Variants in GREB1L observed in about 807,000 individuals in gnomAD.
GREB1L encodes the protein GREB1-like protein.
A neutral mutation model predicts 200.8 loss-of-function variants in GREB1L; 17 were observed. That is an observed-to-expected ratio of 0.08 (90% CI 0.06 to 0.13). GREB1L has a LOEUF of 0.13. Among genes scored for constraint, GREB1L ranks in the 10% least tolerant of loss-of-function variants. The pLI is 1.00. For synonymous variants in GREB1L, 789 were observed against 893.0 expected (o/e 0.88, Z 2.08); for missense variants, 1,657 against 2,367.7 (o/e 0.70, Z 6.23).
chr18:21,519,921 G>GTCTTTTT (rs2037553870), intron 31 of GREB1L, among the ~76,000 whole-genome samples: 2 of 148,822 alleles, frequency 1.3e-5, no homozygotes, highest in Non-Finnish European at 3.0e-5. Context: ...TTCATGCACT[G>GTCTTTTT]TCTTTTTTTT....
intron 2 of GREB1L, among the ~76,000 whole-genome samples, chr18:21,375,864 A>G (rs1201435283): frequency 6.6e-6 from 1 of 152,108 alleles, no homozygotes; most frequent in Non-Finnish European, 1.5e-5. Context: ...ACATTTTTTG[A>G]CAATAACTAC....
At chr18:21,477,791 A>AC (rs545852801) in intron 17 of GREB1L, among the ~76,000 whole-genome samples, 118 of 152,136 alleles carry the variant, frequency 7.8e-4, no homozygotes, top group African/African-American at 2.8e-3. Context: ...GTCTCAAAAA[A>AC]AAAAAAAACA....
chr18:21,470,460 T>A (rs566874307), intron 15 of GREB1L, among the ~76,000 whole-genome samples: 69 of 152,316 alleles, frequency 4.5e-4, no homozygotes, highest in Middle Eastern at 3.4e-3. Flanking sequence ...TTTGTAAGAT[T>A]TATTCCTAGA....
In GREB1L at chr18:21,439,585, C is replaced by T. The variant is rs1267009900; in HGVS notation, c.897C>T (p.His299=). The change falls in exon 8 of 33, where the codon CAC becomes CAT. Residue 299 remains histidine, a synonymous_variant. Transcript: ENST00000424526. ...KGSASSSTPA[H]TGNYSLSPRP... is the part of the protein sequence containing the mutation. ...GTGCATCCAGCTCCACTCCAGCCCA[C>T]ACAGGGAATTACTCTTTGTCACCAC... The T allele has an allele frequency of 3.9e-6, 6 of 1,551,950 alleles. No homozygotes were observed. Among genetic ancestry groups the T allele is most frequent in the African/African-American group, 2.7e-5 (2 of 73,034 alleles).
chr18:21,426,973 C>CAAAAAAAAAAAAAAAAAAAAAAAAAA (rs56776768), intron 7 of GREB1L, among the ~76,000 whole-genome samples: 1 of 83,788 alleles, frequency 1.2e-5, no homozygotes, highest in Non-Finnish European at 3.4e-5. Flanking sequence ...AAAAAAAAAA[C>CAAAAAAAAAAAAAAAAAAAAAAAAAA]AAAAAAAAAA....
At position 21,454,368 on chromosome 18, in the gene GREB1L, T is replaced by G; in HGVS notation, c.1987T>G (p.Leu663Val). 4 of 1,547,854 alleles carry G rather than the reference T, an allele frequency of 2.6e-6. No individual in the cohort carries two copies. The highest frequency in any genetic ancestry group is 3.5e-6 in the Non-Finnish European group (4 of 1,143,948). ...TATGACTTCTCTTTAAATTTTAGAT[T>G]TAGATAATGAAACCTTCCACATTTA... is the stretch of plus-strand genomic sequence containing the variant. ...AAMIPTQNLD[L>V]DNETFHIYQP... is the part of the protein sequence containing the mutation. Residue 663 changes from leucine (L) to valine (V), a missense_variant and splice_region_variant, in exon 15 of 33, where the codon TTA (leucine) becomes GTA (valine). Physicochemically the swap from Leu to Val is conservative, Grantham distance 32. This residue lies in a region of GREB1L where 239 missense variants were observed against 421.8 expected (regional missense o/e 0.57). Transcript: ENST00000424526.
At chr18:21,518,311 G>A in intron 31 of GREB1L, 77 bp downstream of exon 31, 3 of 1,363,512 alleles carry the variant, frequency 2.2e-6, no homozygotes, top group South Asian at 1.4e-5. Flanking sequence ...TACAAAAAAG[G>A]AGCCTGTGAC....
intron 12 of GREB1L, 125 bp downstream of exon 12, chr18:21,449,961 G>A (rs1173997306): frequency 1.1e-5 from 8 of 761,450 alleles, no homozygotes; most frequent in South Asian, 5.9e-5. Flanking sequence ...TGGAGCTTGG[G>A]CTCATCCTCC....
At chr18:21,370,879 A>C (rs2039846281) in intron 2 of GREB1L, among the ~76,000 whole-genome samples, 1 of 152,138 alleles carries the variant, frequency 6.6e-6, no homozygotes, top group African/African-American at 2.4e-5. Flanking sequence ...GGGGTTCGAG[A>C]CCAGCCTTGC....
chr18:21,519,508 AGTATTTAT>A (rs1433611727), intron 31 of GREB1L, among the ~76,000 whole-genome samples: 1 of 152,148 alleles, frequency 6.6e-6, no homozygotes, highest in Non-Finnish European at 1.5e-5. Context: ...CATCTTTTAC[AGTATTTAT>A]GTAAGTACTG....
Position 21,508,115 on chromosome 18 carries a change from T to C in GREB1L, c.4369-3T>C, listed in dbSNP as rs1241663899. 6.4e-7 allele frequency: 1 copy of C among 1,551,492 alleles called. No individual in the cohort carries two copies. The highest frequency in any genetic ancestry group is 2.0e-5 in the Admixed American group (1 of 51,008). Reference sequence around the variant, plus strand: ...TCCCTCCCTTTCTTCTTTGCAAATGTAGATGTCTGACTCCACCCTTCATGC... The same window carrying C: ...TCCCTCCCTTTCTTCTTTGCAAATGCAGATGTCTGACTCCACCCTTCATGC... On this transcript the variant is annotated splice_polypyrimidine_tract_variant and splice_region_variant and intron_variant, in intron 25 of 32. Coordinates refer to ENST00000424526, the MANE Select transcript of GREB1L (RefSeq NM_001142966.3).
At chr18:21,463,129 T>G in intron 15 of GREB1L, among the ~76,000 whole-genome samples, 1 of 140,500 alleles carries the variant, frequency 7.1e-6, no homozygotes, top group East Asian at 2.1e-4. Flanking sequence ...AATAGCTTAA[T>G]GGTTCTTTTT....
intron 1 of GREB1L, among the ~76,000 whole-genome samples, chr18:21,282,793 T>C (rs1381427000): frequency 6.6e-6 from 1 of 152,052 alleles, no homozygotes; most frequent in Admixed American, 6.5e-5. Context: ...AGAGGCAGGG[T>C]TTCACCATAT....
intron 13 of GREB1L, 107 bp downstream of exon 13, chr18:21,451,258 G>C: frequency 8.2e-7 from 1 of 1,223,470 alleles, no homozygotes; most frequent in Non-Finnish European, 1.1e-6. Flanking sequence ...CTTGCCAGCT[G>C]ATCTTTCATT....
At chr18:21,336,552 A>G (rs765957201) in intron 1 of GREB1L, among the ~76,000 whole-genome samples, 7 of 152,250 alleles carry the variant, frequency 4.6e-5, no homozygotes, top group Non-Finnish European at 8.8e-5. Flanking sequence ...TAGTAAAGCA[A>G]CAGGACCTTA....
intron 1 of GREB1L, among the ~76,000 whole-genome samples, chr18:21,315,908 C>T (rs906809919): frequency 9.2e-5 from 14 of 152,052 alleles, no homozygotes; most frequent in South Asian, 6.2e-4. Context: ...TTACACAACC[C>T]GCACATCGAA....
chr18:21,399,612 A>C (rs2041235005), intron 5 of GREB1L, among the ~76,000 whole-genome samples: 1 of 152,324 alleles, frequency 6.6e-6, no homozygotes, highest in East Asian at 1.9e-4. Context: ...ACAAATAGTC[A>C]AATGTTCTCA....
intron 1 of GREB1L, among the ~76,000 whole-genome samples, chr18:21,267,804 CTT>C (rs769798986): frequency 1.5e-4 from 20 of 133,756 alleles, no homozygotes; most frequent in African/African-American, 1.6e-4. Flanking sequence ...CCACCCCAAG[CTT>C]TTTTTTTTTT....
At chr18:21,324,295 TA>T (rs1351194869) in intron 1 of GREB1L, among the ~76,000 whole-genome samples, 1 of 152,234 alleles carries the variant, frequency 6.6e-6, no homozygotes, top group Non-Finnish European at 1.5e-5. Context: ...CAAATAAGGA[TA>T]AAAGCTGTGT....
Sources: gnomAD v4.1 joint callset for allele counts (sites outside exome capture counted in the v4.1 genomes callset) on GRCh38, gnomAD v4.1.1 for gene constraint, gnomAD v4.1.1 regional missense constraint, MANE v1.5 for transcripts, NCBI Gene and HGNC (gene_info 2026-07-23, HGNC 2026-07-21) for gene names.